PAEP: variants seen among roughly 807,000 people sequenced by gnomAD.
PAEP encodes the protein progestagen associated endometrial protein.
A neutral mutation model predicts 23.0 loss-of-function variants in PAEP; 28 were observed. The ratio of observed to expected loss-of-function variants is 1.22; its 90% CI spans 0.90 to 1.67. The LOEUF (loss-of-function observed/expected upper bound fraction) is 1.67, where lower values mean the gene tolerates loss of function less well. Among genes scored for constraint, PAEP ranks in the 40% most tolerant of loss-of-function variants. PAEP has a pLI of 0.00. For missense variants in PAEP, 209 were observed against 226.4 expected, an observed-to-expected ratio of 0.92 and a Z score of 0.49; for synonymous variants, 103 against 92.4, an observed-to-expected ratio of 1.12 and a Z score of -0.66.
chr9:135,565,994 G>A lies in PAEP; in HGVS notation c.*193G>A, dbSNP rs148574223. The stretch of plus-strand genomic sequence containing the variant: ...ACGTCCCCATTCACGAGCCCAGCCT[G>A]TGTCTTGCAGCCATTGTATTAGTCA... On this transcript the variant is annotated intron_variant, in intron 6 of 6. Coordinates refer to ENST00000479141, the MANE Select transcript of PAEP (RefSeq NM_002571.4). Among the ~76,000 whole-genome samples, 11 of 152,284 alleles carry A rather than the reference G, an allele frequency of 7.2e-5. No individual in the cohort carries two copies. The East Asian group carries it at 2.1e-3, about 29-fold the overall frequency.
chr9:135,563,773 C>T (rs1019036045), intron 3 of PAEP, among the ~76,000 whole-genome samples: 7 of 152,096 alleles, frequency 4.6e-5, no homozygotes, highest in Admixed American at 3.9e-4. Flanking sequence ...CCTCTTATCC[C>T]CTCATGGGCA....
At chr9:135,562,757 G>A (rs969126560) in intron 2 of PAEP, 63 bp from the exon 3 acceptor site, 12 of 1,365,182 alleles carry the variant, frequency 8.8e-6, no homozygotes, top group Admixed American at 1.7e-5. Context: ...CCTGATTTTA[G>A]GAGTGACAGT....
chr9:135,563,354 T>TAGGTGGACAGGTGGGCAGGTGGA (rs1554745932), intron 3 of PAEP, among the ~76,000 whole-genome samples: 1 of 130,198 alleles, frequency 7.7e-6, no homozygotes, highest in Non-Finnish European at 1.7e-5. Context: ...GAGCAGGTGG[T>TAGGTGGACAGGTGGGCAGGTGGA]TAGGTGAACA....
intron 3 of PAEP, among the ~76,000 whole-genome samples, chr9:135,563,354 TTAGGTGAAC>T (rs1832410106): frequency 1.5e-5 from 2 of 130,198 alleles, no homozygotes; most frequent in South Asian, 2.5e-4. Flanking sequence ...GAGCAGGTGG[TTAGGTGAAC>T]AGGTGGGCAG....
intron 2 of PAEP, 35 bp downstream of exon 2, chr9:135,562,468 G>A: frequency 6.2e-7 from 1 of 1,604,656 alleles, no homozygotes; most frequent in Non-Finnish European, 8.5e-7. Context: ...GCTGGGCGGG[G>A]GCTCAGTCTC....
chr9:135,564,255 A>G lies in PAEP; in HGVS notation c.322A>G (p.Asn108Asp). The stretch of plus-strand genomic sequence containing the variant: ...TCTTCTTTCCCCAGATACGGTGGCG[A>G]ACGAGGCCACGCTGCTCGATACTGA... ...KKFKINYTVA[N>D]EATLLDTDYD... The change falls in exon 4 of 7, where the codon AAC becomes GAC. Residue 108 changes from asparagine (N) to aspartate (D), a missense_variant. Physicochemically the swap from Asn to Asp is conservative, Grantham distance 23. Transcript: ENST00000479141. The G allele has an allele frequency of 6.4e-7, 1 of 1,552,874 alleles. No individual in the cohort carries two copies. Among genetic ancestry groups the G allele is most frequent in the Non-Finnish European group, 8.7e-7 (1 of 1,147,544 alleles).
intron 1 of PAEP, 29 bp downstream of exon 1, chr9:135,561,926 C>A: frequency 7.0e-7 from 1 of 1,422,416 alleles, no homozygotes; most frequent in Non-Finnish European, 9.6e-7. Flanking sequence ...GGGCACTTTA[C>A]TGTGGGAGGC....
At chr9:135,563,334 G>A (rs1301582516) in intron 3 of PAEP, among the ~76,000 whole-genome samples, 2 of 151,692 alleles carry the variant, frequency 1.3e-5, no homozygotes, top group African/African-American at 4.8e-5. Flanking sequence ...AGGTGAACAG[G>A]TGGGCAGGTG....
intron 1 of PAEP, 147 bp downstream of exon 1, chr9:135,562,044 C>A: frequency 1.3e-6 from 1 of 769,826 alleles, no homozygotes; most frequent in Non-Finnish European, 2.1e-6. Flanking sequence ...CCCTGCTCTC[C>A]ATCTTTAGGG....
intron 5 of PAEP, 109 bp downstream of exon 5, chr9:135,565,623 C>T: frequency 7.4e-7 from 1 of 1,360,212 alleles, no homozygotes; most frequent in Non-Finnish European, 1.0e-6. Flanking sequence ...CTTTTTGGCC[C>T]CTCCCCTGTT....
In PAEP at chr9:135,565,625, T is replaced by A; in HGVS notation, c.526+111T>A. Reference sequence around the variant, plus strand: ...ACTCAGGTCACTCCTTTTTGGCCCCTCCCCTGTTCTCCCCTGGCCTTCTGG... The same window carrying A: ...ACTCAGGTCACTCCTTTTTGGCCCCACCCCTGTTCTCCCCTGGCCTTCTGG... On this transcript the variant is annotated intron_variant, in intron 5 of 6. Transcript: ENST00000479141. The A allele has an allele frequency of 2.3e-6, 3 of 1,313,516 alleles. No homozygotes were observed. In the South Asian group the frequency reaches 3.5e-5, roughly 15 times the overall value. The allele number at this position is 1,313,516 out of a possible 1,614,324, so 81.4% of individuals were successfully genotyped here.
At chr9:135,562,168 TG>T (rs948983240) in intron 1 of PAEP, 125 bp from the exon 2 acceptor site, 3 of 1,094,316 alleles carry the variant, frequency 2.7e-6, no homozygotes, top group Non-Finnish European at 3.9e-6. Flanking sequence ...GCCCAGGATC[TG>T]GTAGATAGCA....
chr9:135,563,338 GCA>G, intron 3 of PAEP, among the ~76,000 whole-genome samples: 1 of 7,370 alleles, frequency 1.4e-4, no homozygotes, highest in African/African-American at 4.8e-4. Flanking sequence ...GAACAGGTGG[GCA>G]GGTGAGCAGG....
rs530680736 is a variant in PAEP, at chr9:135,561,851, C to T, written c.50C>T (p.Pro17Leu). Residue 17 changes from proline (P) to leucine (L), a missense_variant, in exon 1 of 7, where the codon CCG (proline) becomes CTG (leucine). Pro to Leu is a moderately conservative substitution (Grantham distance 98). Coordinates refer to ENST00000479141, the MANE Select transcript of PAEP (RefSeq NM_002571.4). ...GGCGTGGCCCTGGTCTGTGGTGTCCCGGCCATGGACATCCCCCAGACCAAG... is the reference window on the plus strand; with the variant it reads ...GGCGTGGCCCTGGTCTGTGGTGTCCTGGCCATGGACATCCCCCAGACCAAG... ...TLGVALVCGV[P>L]AMDIPQTKQD... The T allele has an allele frequency of 1.3e-5, 20 of 1,566,944 alleles. No individual in the cohort carries two copies. Among genetic ancestry groups the T allele is most frequent in the East Asian group, 1.2e-4 (5 of 42,424 alleles).
chr9:135,562,605 G>A lies in PAEP; in HGVS notation c.236+172G>A, dbSNP rs3748207. 1.2e-3 allele frequency among the ~76,000 whole-genome samples: 182 copies of A among 152,272 alleles called. 3 individuals carry two copies. The East Asian group carries it at 0.03, about 25-fold the overall frequency. On this transcript the variant is annotated intron_variant, in intron 2 of 6. Transcript: ENST00000479141. ...GGGGTGGAAAACCAGGGCTCCAGACGTTCCCTGTCCCCTTGGATCCCCTGC... is the reference window on the plus strand; with the variant it reads ...GGGGTGGAAAACCAGGGCTCCAGACATTCCCTGTCCCCTTGGATCCCCTGC...
Position 135,562,441 on chromosome 9 carries a change from T to A in PAEP, c.236+8T>A. The A allele has an allele frequency of 1.2e-6, 2 of 1,612,942 alleles. No homozygotes were observed. Among genetic ancestry groups the A allele is most frequent in the Non-Finnish European group, 1.7e-6 (2 of 1,179,400 alleles). On this transcript the variant is annotated splice_region_variant and intron_variant, in intron 2 of 6. Transcript: ENST00000479141. ...GATCGTTCTGCACAGATGGTGGGTT[T>A]CTCATCATTGAGACGGGCTGGGCGG... is the stretch of plus-strand genomic sequence containing the variant.
Position 135,564,327 on chromosome 9 carries a change from A to T in PAEP, c.394A>T (p.Ile132Phe), listed in dbSNP as rs867565438. Residue 132 changes from isoleucine to phenylalanine, a missense_variant, in exon 4 of 7, where the codon ATC becomes TTC. Ile to Phe is a conservative substitution (Grantham distance 21). Coordinates refer to ENST00000479141, the MANE Select transcript of PAEP (RefSeq NM_002571.4). ...FLCLQDTTTP[I>F]QSMMCQYLAR... ...CTGCCTACAGGACACCACCACCCCC[A>T]TCCAGAGCATGATGTGCCAGTACCT... 1 of 1,550,890 alleles carries T rather than the reference A, an allele frequency of 6.4e-7. No homozygotes were observed. The highest frequency in any genetic ancestry group is 2.4e-5 in the East Asian group (1 of 41,012).
intron 3 of PAEP, among the ~76,000 whole-genome samples, chr9:135,563,832 A>G (rs1832451508): frequency 6.6e-6 from 1 of 152,076 alleles, no homozygotes; most frequent in African/African-American, 2.4e-5. Flanking sequence ...GACTTGCCTC[A>G]GGCCTTTCTG....
intron 4 of PAEP, among the ~76,000 whole-genome samples, chr9:135,565,021 T>C (rs1832512369): frequency 6.6e-6 from 1 of 152,176 alleles, no homozygotes; most frequent in Admixed American, 6.5e-5. Flanking sequence ...TTCCCCATGT[T>C]TCTGAGCACA....
Sources: gnomAD v4.1 joint callset for allele counts (sites outside exome capture counted in the v4.1 genomes callset) on GRCh38, gnomAD v4.1.1 for gene constraint, MANE v1.5 for transcripts, NCBI Gene and HGNC (gene_info 2026-07-23, HGNC 2026-07-21) for gene names.